The following CDH18 variants were observed in gnomAD, a reference collection of about 807,000 sequenced individuals.
CDH18 encodes the protein cadherin-18.
Under a neutral mutation model 67.9 loss-of-function variants are expected in CDH18, and 31 were observed. The observed-to-expected ratio is 0.46, with a 90% confidence interval of 0.34 to 0.62. The LOEUF is 0.62. Among genes scored for constraint, CDH18 ranks in the 20% least tolerant of loss-of-function variants. The probability of loss-of-function intolerance (pLI) is 0.01; values close to 1 mark genes in which losing one functional copy is unlikely to be tolerated. For missense variants in CDH18, 890 were observed against 975.5 expected (o/e 0.91, Z 1.17); for synonymous variants, 362 against 347.2 (o/e 1.04, Z -0.48).
At chr5:20,349,761 G>C (rs568080039) in intron 1 of CDH18, among the ~76,000 whole-genome samples, 8 of 152,162 alleles carry the variant, frequency 5.3e-5, no homozygotes, top group African/African-American at 1.9e-4. Flanking sequence ...ATTACATTTT[G>C]TCAGACCTAA....
At chr5:19,697,326 T>C (rs1339620992) in intron 5 of CDH18, among the ~76,000 whole-genome samples, 1 of 152,186 alleles carries the variant, frequency 6.6e-6, no homozygotes, top group Non-Finnish European at 1.5e-5. Context: ...TCAATCTCAG[T>C]TGCATATTTA....
chr5:19,701,279 A>G (rs1425349505), intron 5 of CDH18, among the ~76,000 whole-genome samples: 2 of 152,292 alleles, frequency 1.3e-5, no homozygotes, highest in East Asian at 1.9e-4. Flanking sequence ...AAAGGATAAA[A>G]TATCCTGTTT....
chr5:19,910,065 A>G (rs952678081), intron 2 of CDH18, among the ~76,000 whole-genome samples: 2 of 152,138 alleles, frequency 1.3e-5, no homozygotes, highest in African/African-American at 4.8e-5. Flanking sequence ...TAATGTTATC[A>G]GTTAACCTTC....
chr5:19,603,291 T>C (rs1005058033), intron 6 of CDH18, among the ~76,000 whole-genome samples: 5 of 152,136 alleles, frequency 3.3e-5, no homozygotes, highest in Non-Finnish European at 7.4e-5. Context: ...ATTCCACTTA[T>C]ATAAAGTACC....
At chr5:19,891,931 C>G (rs1043312071) in intron 2 of CDH18, among the ~76,000 whole-genome samples, 1 of 152,096 alleles carries the variant, frequency 6.6e-6, no homozygotes, top group Admixed American at 6.6e-5. Context: ...GAAGAGTTGC[C>G]ACAGATGAGA....
At chr5:20,182,199 C>T (rs1451029641) in intron 2 of CDH18, among the ~76,000 whole-genome samples, 1 of 151,972 alleles carries the variant, frequency 6.6e-6, no homozygotes, top group Non-Finnish European at 1.5e-5. Context: ...GTTTCGATAA[C>T]TTGTTTTTTT....
At chr5:20,290,836 G>C (rs575789160) in intron 1 of CDH18, among the ~76,000 whole-genome samples, 5 of 152,120 alleles carry the variant, frequency 3.3e-5, no homozygotes, top group Non-Finnish European at 7.4e-5. Flanking sequence ...GAACATTGTG[G>C]CATGGTATGT....
intron 2 of CDH18, among the ~76,000 whole-genome samples, chr5:19,999,711 A>G (rs1291722135): frequency 6.6e-6 from 1 of 152,184 alleles, no homozygotes; most frequent in Non-Finnish European, 1.5e-5. Flanking sequence ...GAATGAGAAA[A>G]CAGTGCAAAA....
At chr5:20,402,651 C>A (rs1466310179) in intron 1 of CDH18, among the ~76,000 whole-genome samples, 1 of 151,992 alleles carries the variant, frequency 6.6e-6, no homozygotes, top group Non-Finnish European at 1.5e-5. Context: ...TAAAATATTG[C>A]TGAAAATTAT....
chr5:20,173,107 T>C (rs1736967648), intron 2 of CDH18, among the ~76,000 whole-genome samples: 1 of 152,090 alleles, frequency 6.6e-6, no homozygotes, highest in Non-Finnish European at 1.5e-5. Flanking sequence ...AAGAGGCTAA[T>C]GTGAACCACT....
chr5:20,184,438 A>G (rs1580428254), intron 2 of CDH18, among the ~76,000 whole-genome samples: 2 of 152,094 alleles, frequency 1.3e-5, no homozygotes, highest in African/African-American at 4.8e-5. Context: ...CTTTTCAACA[A>G]TCACAAAAAG....
At chr5:20,264,833 G>T (rs1048184745) in intron 1 of CDH18, among the ~76,000 whole-genome samples, 1 of 152,010 alleles carries the variant, frequency 6.6e-6, no homozygotes, top group Non-Finnish European at 1.5e-5. Flanking sequence ...ACATTTTTAT[G>T]CCCAGCAGGA....
intron 2 of CDH18, among the ~76,000 whole-genome samples, chr5:19,928,823 C>T (rs966934317): frequency 2.0e-5 from 3 of 152,042 alleles, no homozygotes; most frequent in Non-Finnish European, 4.4e-5. Context: ...CTGCTAAGCT[C>T]TTCACATATG....
intron 1 of CDH18, among the ~76,000 whole-genome samples, chr5:20,380,777 A>G (rs1356034569): frequency 6.6e-6 from 1 of 152,234 alleles, no homozygotes. Context: ...AAAATTAAAA[A>G]TGGAGTTAAC....
chr5:19,933,579 T>C (rs993058369), intron 2 of CDH18, among the ~76,000 whole-genome samples: 4 of 151,538 alleles, frequency 2.6e-5, no homozygotes, highest in African/African-American at 9.7e-5. Context: ...CCAATTTTAA[T>C]CAGTATTTTG....
intron 2 of CDH18, among the ~76,000 whole-genome samples, chr5:19,966,382 A>G (rs1313127892): frequency 6.6e-6 from 1 of 152,134 alleles, no homozygotes; most frequent in Non-Finnish European, 1.5e-5. Flanking sequence ...AGAGAAGATT[A>G]AGAGCTCATA....
In CDH18 at chr5:20,251,687, T is replaced by C. The variant is rs190500178; in HGVS notation, c.-518+3757A>G. 4.7e-4 allele frequency among the ~76,000 whole-genome samples: 71 copies of C among 152,264 alleles called. No individual in the cohort carries two copies. In the East Asian group the frequency reaches 0.012, roughly 25 times the overall value. ...GCTACAGTTAAAAAGTGGATGGCCT[T>C]GTATCTTTTGATTGAATGGATTGTA... On this transcript the variant is annotated intron_variant, in intron 2 of 14. Transcript: ENST00000507958.
chr5:20,302,015 A>G (rs973700397), intron 1 of CDH18, among the ~76,000 whole-genome samples: 1 of 151,324 alleles, frequency 6.6e-6, no homozygotes, highest in Non-Finnish European at 1.5e-5. Context: ...GAATCCACAA[A>G]AGGATGAGAT....
rs1288695281 is a variant in CDH18 at position 19,940,804 on chromosome 5, CCAA to C, written c.-257+40253_-257+40255del. 3.9e-5 allele frequency among the ~76,000 whole-genome samples: 6 copies of C among 152,018 alleles called. 1 individual carries two copies. The highest frequency in any genetic ancestry group is 1.3e-4 in the Admixed American group (2 of 15,212). ...TTTATTTTCTTCATAGCACTTACCA[CCAA>C]CAACAATAGCAACAAAAAGTCTCCA... On this transcript the variant is annotated intron_variant, in intron 2 of 12. Coordinates refer to ENST00000382275, the MANE Select transcript of CDH18 (RefSeq NM_004934.5).
Sources: gnomAD v4.1 joint callset for allele counts (sites outside exome capture counted in the v4.1 genomes callset) on GRCh38, gnomAD v4.1.1 for gene constraint, MANE v1.5 for transcripts, NCBI Gene and HGNC (gene_info 2026-07-23, HGNC 2026-07-21) for gene names.